Variants in TGFBR2 observed in about 807,000 individuals in gnomAD.
TGFBR2 encodes TGF-beta receptor type-2.
Under a neutral mutation model 49.0 loss-of-function variants are expected in TGFBR2, and 18 were observed. That is an observed-to-expected ratio of 0.37 (90% CI 0.25 to 0.54). TGFBR2 has a LOEUF of 0.54. TGFBR2 is among the 20% of genes least tolerant of loss of function. The pLI, the probability that TGFBR2 is intolerant of heterozygous loss-of-function variation, is 0.85. For synonymous variants in TGFBR2, 282 were observed against 275.9 expected, an observed-to-expected ratio of 1.02 and a Z score of -0.22; for missense variants, 525 against 722.6, an observed-to-expected ratio of 0.73 and a Z score of 3.13.
chr3:30,622,283 T>C (rs890126380), intron 1 of TGFBR2, among the ~76,000 whole-genome samples: 1 of 152,198 alleles, frequency 6.6e-6, no homozygotes, highest in African/African-American at 2.4e-5. Flanking sequence ...TTGTGCTCTC[T>C]AAATTGAACT....
At position 30,674,519 on chromosome 3, in the gene TGFBR2, A is replaced by G. The variant is rs144551645; in HGVS notation, c.1396+273A>G. The stretch of plus-strand genomic sequence containing the variant: ...TGACACATCTCTTCACAGTTATTTA[A>G]ATATCTGGCAAGAGACGAATACTAA... On this transcript the variant is annotated intron_variant, in intron 5 of 6. Coordinates refer to ENST00000295754, the MANE Select transcript of TGFBR2 (RefSeq NM_003242.6). 1.2e-4 allele frequency among the ~76,000 whole-genome samples: 19 copies of G among 152,292 alleles called. No homozygotes were observed. The East Asian group carries it at 3.3e-3, about 26-fold the overall frequency.
chr3:30,659,456 T>G (rs1216386456), intron 3 of TGFBR2, among the ~76,000 whole-genome samples: 7 of 152,076 alleles, frequency 4.6e-5, no homozygotes, highest in Admixed American at 1.3e-4. Flanking sequence ...TTTTGCATGA[T>G]AGAGGACACT....
At chr3:30,680,721 A>G (rs1017550794) in intron 5 of TGFBR2, among the ~76,000 whole-genome samples, 3 of 152,232 alleles carry the variant, frequency 2.0e-5, no homozygotes, top group Admixed American at 2.0e-4. Flanking sequence ...ATCTTTCAGA[A>G]TTGTTTGAAG....
At chr3:30,639,070 G>C (rs977335560) in intron 1 of TGFBR2, among the ~76,000 whole-genome samples, 2 of 152,316 alleles carry the variant, frequency 1.3e-5, no homozygotes, top group African/African-American at 4.8e-5. Flanking sequence ...GAAAGAACTG[G>C]AAGATGAGAA....
intron 1 of TGFBR2, among the ~76,000 whole-genome samples, chr3:30,619,555 A>G (rs1355507218): frequency 1.3e-5 from 2 of 152,066 alleles, no homozygotes; most frequent in South Asian, 2.1e-4. Context: ...GATGAAGCCA[A>G]ACCTCTTGCC....
At chr3:30,640,974 G>C (rs1362733960) in intron 1 of TGFBR2, among the ~76,000 whole-genome samples, 1 of 152,150 alleles carries the variant, frequency 6.6e-6, no homozygotes, top group African/African-American at 2.4e-5. Flanking sequence ...TTTGATATCT[G>C]AGGTCGTGGC....
chr3:30,684,007 T>G (rs1699578926), intron 5 of TGFBR2, among the ~76,000 whole-genome samples: 1 of 152,176 alleles, frequency 6.6e-6, no homozygotes, highest in African/African-American at 2.4e-5. Flanking sequence ...AGCAAATATC[T>G]GAGGCATTCT....
At chr3:30,622,596 G>A (rs934276776) in intron 1 of TGFBR2, among the ~76,000 whole-genome samples, 1 of 151,890 alleles carries the variant, frequency 6.6e-6, no homozygotes, top group African/African-American at 2.4e-5. Flanking sequence ...TAGAAAACTA[G>A]TACCAGCCAG....
At chr3:30,665,748 C>A (rs1032131531) in intron 3 of TGFBR2, among the ~76,000 whole-genome samples, 2 of 152,158 alleles carry the variant, frequency 1.3e-5, no homozygotes, top group Non-Finnish European at 2.9e-5. Context: ...TTCACTCTGC[C>A]AAGGGAGCTT....
At chr3:30,646,708 G>C (rs1698748197) in intron 2 of TGFBR2, among the ~76,000 whole-genome samples, 1 of 152,100 alleles carries the variant, frequency 6.6e-6, no homozygotes, top group African/African-American at 2.4e-5. Flanking sequence ...ATGCAGGAAA[G>C]ATTGAGACAC....
Position 30,672,564 on chromosome 3 carries a change from C to T in TGFBR2, c.1254+127C>T. 2 of 1,063,184 alleles carry T rather than the reference C, an allele frequency of 1.9e-6. No individual in the cohort carries two copies. Among genetic ancestry groups the T allele is most frequent in the South Asian group, 2.6e-5 (2 of 78,080 alleles). 65.9% of individuals were successfully genotyped at this position (1,063,184 alleles called of 1,614,324 possible). A position where few individuals can be genotyped will look rare whatever the true frequency, so the allele number is the denominator to read the frequency against. ...TGGACACTGGTCTAGGGAATCTAGC[C>T]AAAGTATGGAGTCTGCCTTGAGCAT... is the stretch of plus-strand genomic sequence containing the variant. On this transcript the variant is annotated intron_variant, in intron 4 of 6. Transcript: ENST00000295754. The surrounding 1 kb of genome is among the most constrained non-coding windows in gnomAD (Gnocchi z 4.5).
At chr3:30,618,816 A>G (rs555986586) in intron 1 of TGFBR2, among the ~76,000 whole-genome samples, 3 of 152,316 alleles carry the variant, frequency 2.0e-5, no homozygotes, top group East Asian at 1.9e-4. Context: ...TGAAGACCCA[A>G]TAAATTTCTC....
chr3:30,686,973 C>T (rs963929431), intron 5 of TGFBR2, among the ~76,000 whole-genome samples: 1 of 152,138 alleles, frequency 6.6e-6, no homozygotes, highest in African/African-American at 2.4e-5. Flanking sequence ...GCATGGGAGA[C>T]CCTTGCAATT....
chr3:30,650,101 T>C (rs1378594045), intron 2 of TGFBR2, among the ~76,000 whole-genome samples, 169 bp from the exon 3 acceptor site: 3 of 152,154 alleles, frequency 2.0e-5, no homozygotes, highest in Non-Finnish European at 4.4e-5. Flanking sequence ...TAGGAGACTA[T>C]AGGACAGCCT....
intron 3 of TGFBR2, among the ~76,000 whole-genome samples, chr3:30,664,998 A>G (rs1178914280): frequency 6.6e-6 from 1 of 152,232 alleles, no homozygotes; most frequent in African/African-American, 2.4e-5. Context: ...ATACTAATTT[A>G]TCCGAGCAAT....
In TGFBR2 at chr3:30,692,536, C is replaced by T. The variant is rs574969117; in HGVS notation, c.*937C>T. On this transcript the variant is annotated 3_prime_UTR_variant, in exon 7 of 7. Coordinates refer to ENST00000295754, the MANE Select transcript of TGFBR2 (RefSeq NM_003242.6). ...GCACTTATGTTACTATTCTCTGCTC[C>T]CAGCCTTCATCCTTTTCTAAAAAGG... is the stretch of plus-strand genomic sequence containing the variant. 4 of 233,102 alleles carry T rather than the reference C, an allele frequency of 1.7e-5. No individual in the cohort carries two copies. Among genetic ancestry groups the T allele is most frequent in the African/African-American group, 8.8e-5 (4 of 45,434 alleles). The allele number at this position is 233,102 out of a possible 1,614,324, so 14.4% of individuals were successfully genotyped here.
At chr3:30,684,284 G>A (rs876688) in intron 5 of TGFBR2, among the ~76,000 whole-genome samples, 56,777 of 151,778 alleles carry the variant, frequency 0.37, 10,912 homozygotes, top group Admixed American at 0.45. Flanking sequence ...AATGGAGGTT[G>A]GGAGTAGGAT....
At chr3:30,632,066 T>C (rs1186322110) in intron 1 of TGFBR2, among the ~76,000 whole-genome samples, 1 of 152,200 alleles carries the variant, frequency 6.6e-6, no homozygotes, top group Non-Finnish European at 1.5e-5. Context: ...AAAAATCTAC[T>C]ACAATTGTTG....
At chr3:30,668,375 T>C (rs1287031175) in intron 3 of TGFBR2, among the ~76,000 whole-genome samples, 3 of 152,038 alleles carry the variant, frequency 2.0e-5, no homozygotes, top group Non-Finnish European at 2.9e-5. Flanking sequence ...CGGAGACAAG[T>C]GGGTACTTCA....
Sources: gnomAD v4.1 joint callset for allele counts (sites outside exome capture counted in the v4.1 genomes callset) on GRCh38, gnomAD v4.1.1 for gene constraint, Gnocchi (gnomAD v3.1) non-coding constraint, MANE v1.5 for transcripts, NCBI Gene and HGNC (gene_info 2026-07-23, HGNC 2026-07-21) for gene names.